The following LRBA variants were observed in gnomAD, a reference collection of about 807,000 sequenced individuals.
LRBA encodes the protein lipopolysaccharide-responsive and beige-like anchor protein.
A neutral mutation model predicts 330.0 loss-of-function variants in LRBA; 176 were observed. That is an observed-to-expected ratio of 0.53 (90% confidence interval 0.47 to 0.60). LRBA has a LOEUF of 0.60. Among genes scored for constraint, LRBA ranks in the 20% least tolerant of loss-of-function variants. The probability of loss-of-function intolerance (pLI) is 0.00; values close to 1 mark genes in which losing one functional copy is unlikely to be tolerated. For missense variants in LRBA, 3,259 were observed against 3,444.8 expected, an observed-to-expected ratio of 0.95 and a Z score of 1.35; for synonymous variants, 1,230 against 1,193.0, an observed-to-expected ratio of 1.03 and a Z score of -0.64.
chr4:150,648,173 A>AAAAAAAAAAAAAAAC, intron 37 of LRBA, among the ~76,000 whole-genome samples: 1 of 145,564 alleles, frequency 6.9e-6, no homozygotes, highest in Non-Finnish European at 1.5e-5. Flanking sequence ...AAAAAAAAAA[A>AAAAAAAAAAAAAAAC]AAAACTAGAA....
At chr4:150,810,000 G>A in intron 31 of LRBA, among the ~76,000 whole-genome samples, 1 of 152,058 alleles carries the variant, frequency 6.6e-6, no homozygotes, top group Non-Finnish European at 1.5e-5. Context: ...TAGGAATTCT[G>A]ATTCAATGTG....
At chr4:150,908,000 A>T (rs1731539519) in intron 11 of LRBA, among the ~76,000 whole-genome samples, 1 of 152,186 alleles carries the variant, frequency 6.6e-6, no homozygotes, top group African/African-American at 2.4e-5. Flanking sequence ...TTCAGAAATT[A>T]AAAATTTCTT....
chr4:150,897,848 A>G (rs1326153453), intron 14 of LRBA, 30 bp from the exon 15 acceptor site: 1 of 1,424,706 alleles, frequency 7.0e-7, no homozygotes, highest in African/African-American at 1.4e-5. Context: ...ATACACATTT[A>G]GTATTTAAAG....
At position 150,828,922 on chromosome 4, in the gene LRBA, G is replaced by T. The variant is rs11736357; in HGVS notation, c.4730-301C>A. The stretch of plus-strand genomic sequence containing the variant: ...GAAAAAGTCTATAATCTTTTTTGGG[G>T]GTGTGTGTGTGTGTGTGTGTGTGTG... On this transcript the variant is annotated intron_variant, in intron 29 of 56. Transcript: ENST00000651943. Among the ~76,000 whole-genome samples the T allele has an allele frequency of 0.25, 26,558 of 105,890 alleles. 3,059 individuals are homozygous for T. The highest frequency in any genetic ancestry group is 0.31 in the Middle Eastern group (74 of 236). The allele number at this position is 105,890 out of a possible 152,430, so 69.5% of individuals were successfully genotyped here. A position where few individuals can be genotyped will look rare whatever the true frequency, so the allele number is the denominator to read the frequency against.
intron 7 of LRBA, 138 bp from the exon 8 acceptor site, chr4:150,915,865 A>G (rs1481555736): frequency 3.6e-6 from 2 of 553,120 alleles, no homozygotes; most frequent in Non-Finnish European, 5.7e-6. Flanking sequence ...TAAATTCAAT[A>G]TTTACTTTCT....
rs562362388 is a variant in LRBA at position 150,552,450 on chromosome 4, C to A, written c.6330+35598G>T. 1.1e-4 allele frequency among the ~76,000 whole-genome samples: 16 copies of A among 152,106 alleles called. No homozygotes were observed. In the East Asian group the frequency reaches 3.1e-3, roughly 29 times the overall value. On this transcript the variant is annotated intron_variant, in intron 40 of 56. Transcript: ENST00000651943. ...TGCAAATCAAAACCACAATGAGATA[C>A]CATCTCACACCAGTTAGAATGGCAA...
At chr4:150,712,912 C>T (rs1376387599) in intron 36 of LRBA, among the ~76,000 whole-genome samples, 1 of 152,042 alleles carries the variant, frequency 6.6e-6, no homozygotes, top group African/African-American at 2.4e-5. Context: ...CGAAAAGCCA[C>T]AAAGAAAACC....
At chr4:150,807,519 C>A (rs1283261277) in intron 32 of LRBA, among the ~76,000 whole-genome samples, 1 of 152,020 alleles carries the variant, frequency 6.6e-6, no homozygotes, top group Non-Finnish European at 1.5e-5. Flanking sequence ...TCAAAGCATT[C>A]GAAATTAAAC....
At chr4:150,689,647 C>T (rs1018275068) in intron 36 of LRBA, among the ~76,000 whole-genome samples, 7 of 152,026 alleles carry the variant, frequency 4.6e-5, no homozygotes, top group Non-Finnish European at 7.4e-5. Flanking sequence ...ATACTGAGGC[C>T]GGGCAAGATG....
chr4:150,565,673 C>T (rs943570328), intron 40 of LRBA, among the ~76,000 whole-genome samples: 1 of 152,012 alleles, frequency 6.6e-6, no homozygotes, highest in Non-Finnish European at 1.5e-5. Flanking sequence ...GTACAAGCTG[C>T]ACACAATGGA....
Position 151,014,701 on chromosome 4 carries a change from G to A in LRBA, c.-59C>T. Reference sequence around the variant, plus strand: ...CCCTGGGACGGCAGTCGCTGCACTGGTAATGAGCACAACACACGCAATGCA... The same window carrying A: ...CCCTGGGACGGCAGTCGCTGCACTGATAATGAGCACAACACACGCAATGCA... On this transcript the variant is annotated 5_prime_UTR_variant, in exon 2 of 57. Transcript: ENST00000651943. 2 of 1,150,372 alleles carry A rather than the reference G, an allele frequency of 1.7e-6. No individual in the cohort carries two copies. Among genetic ancestry groups the A allele is most frequent in the East Asian group, 2.5e-5 (1 of 39,940 alleles). The allele number at this position is 1,150,372 out of a possible 1,614,324, so 71.3% of individuals were successfully genotyped here.
chr4:150,394,663 C>T (rs76996216), intron 47 of LRBA, among the ~76,000 whole-genome samples: 22,406 of 152,120 alleles, frequency 0.15, 1,669 homozygotes, highest in Non-Finnish European at 0.17. Flanking sequence ...ATTTAATTTG[C>T]TTTGTTTAAG....
intron 37 of LRBA, among the ~76,000 whole-genome samples, chr4:150,626,543 C>A (rs565001323): frequency 1.4e-4 from 22 of 152,008 alleles, no homozygotes; most frequent in Middle Eastern, 3.4e-3. Flanking sequence ...AAGAGTTATT[C>A]TTTGTGGTAA....
rs137978716 is a variant in LRBA, at chr4:150,519,467, T to C, written c.6331-28432A>G. On this transcript the variant is annotated intron_variant, in intron 40 of 56. Transcript: ENST00000651943. ...GATACACATGGAATCGTACATCATG[T>C]ATCCTTTTGTTTATGGCTTCTTTCA... Among the ~76,000 whole-genome samples, 53 of 152,312 alleles carry C rather than the reference T, an allele frequency of 3.5e-4. No individual in the cohort carries two copies. The East Asian group carries it at 7.3e-3, about 21-fold the overall frequency.
intron 37 of LRBA, among the ~76,000 whole-genome samples, chr4:150,663,383 A>G (rs779420504): frequency 2.0e-5 from 3 of 152,154 alleles, no homozygotes; most frequent in Non-Finnish European, 4.4e-5. Context: ...TTGATGACAG[A>G]AGGTGCACAA....
At chr4:150,747,000 A>C (rs953863447) in intron 35 of LRBA, among the ~76,000 whole-genome samples, 1 of 152,190 alleles carries the variant, frequency 6.6e-6, no homozygotes, top group Non-Finnish European at 1.5e-5. Flanking sequence ...ATTGTTGACA[A>C]GGTATCAGCC....
At chr4:150,742,698 G>A (rs1732181426) in intron 35 of LRBA, among the ~76,000 whole-genome samples, 1 of 151,888 alleles carries the variant, frequency 6.6e-6, no homozygotes, top group South Asian at 2.1e-4. Context: ...GACAAGCCTG[G>A]GTAAAATAAA....
At chr4:150,623,376 G>C (rs985837252) in intron 37 of LRBA, among the ~76,000 whole-genome samples, 1 of 152,010 alleles carries the variant, frequency 6.6e-6, no homozygotes, top group Non-Finnish European at 1.5e-5. Context: ...AGAAAAATTA[G>C]AAGCCAGCTA....
intron 2 of LRBA, among the ~76,000 whole-genome samples, chr4:150,968,035 C>G (rs1414101687): frequency 7.1e-6 from 1 of 140,746 alleles, no homozygotes; most frequent in African/African-American, 2.7e-5. Flanking sequence ...GACAGAGTCT[C>G]ACTCTGTCGC....
Sources: allele counts gnomAD v4.1 joint callset (sites outside exome capture counted in the v4.1 genomes callset), GRCh38; gene constraint gnomAD v4.1.1; transcripts MANE v1.5; gene names NCBI Gene and HGNC (gene_info 2026-07-23, HGNC 2026-07-21).